Variants in RAB38 observed in about 807,000 individuals in gnomAD.
The protein encoded by RAB38 is RAB38, member RAS oncogene family.
A neutral mutation model predicts 18.4 loss-of-function variants in RAB38; 15 were observed. That is an observed-to-expected ratio of 0.82 (90% CI 0.55 to 1.26). The LOEUF (loss-of-function observed/expected upper bound fraction) is 1.26. Ranked by LOEUF, RAB38 falls within the 50% of genes most tolerant of loss-of-function variation. The pLI, the probability that RAB38 is intolerant of heterozygous loss-of-function variation, is 0.00. For missense variants in RAB38, 294 were observed against 267.4 expected (o/e 1.10, Z -0.69); for synonymous variants, 101 against 104.4 (o/e 0.97, Z 0.20).
chr11:87,824,450 CAGA>C, the RAB38 span, among the ~76,000 whole-genome samples: 2 of 151,982 alleles, frequency 1.3e-5, no homozygotes, highest in South Asian at 4.2e-4. Context: ...AAATAAAAGT[CAGA>C]AAAATGAACA....
At chr11:88,023,409 A>C in the RAB38 span, among the ~76,000 whole-genome samples, 1 of 151,940 alleles carries the variant, frequency 6.6e-6, no homozygotes, top group Non-Finnish European at 1.5e-5. Context: ...AGAATACTAA[A>C]AAAGTAAATA....
the RAB38 span, among the ~76,000 whole-genome samples, chr11:88,078,034 A>G: frequency 2.0e-5 from 3 of 152,242 alleles, no homozygotes; most frequent in South Asian, 4.1e-4. Context: ...CATTACTCAA[A>G]AGAAGACCTG....
chr11:88,140,609 G>C lies in RAB38; in HGVS notation c.483+9066C>G, dbSNP rs74514519. ...GGAGAGACTGTAACAGGTAATGTTA[G>C]AGCCAAGTCCTGAAGGAAGAGTGAG... On this transcript the variant is annotated intron_variant, in intron 2 of 2. Coordinates refer to ENST00000243662, the MANE Select transcript of RAB38 (RefSeq NM_022337.3). 5.5e-3 allele frequency among the ~76,000 whole-genome samples: 831 copies of C among 152,308 alleles called. 3 individuals are homozygous for C. Among genetic ancestry groups the C allele is most frequent in the African/African-American group, 0.019 (794 of 41,560 alleles).
chr11:87,921,660 AAGCTTCTTGAGCTT>A, the RAB38 span, among the ~76,000 whole-genome samples: 13,216 of 151,212 alleles, frequency 0.087, 1,473 homozygotes, highest in African/African-American at 0.27. Context: ...TACCAGCTGT[AAGCTTCTTGAGCTT>A]AGAGATTGGT....
At chr11:88,102,556 T>G in the RAB38 span, among the ~76,000 whole-genome samples, 10 of 152,258 alleles carry the variant, frequency 6.6e-5, no homozygotes, top group African/African-American at 2.2e-4. Flanking sequence ...TGAAGTGTAC[T>G]ATTTAGCTGA....
At chr11:88,144,081 G>T (rs547034593) in intron 2 of RAB38, among the ~76,000 whole-genome samples, 4 of 152,178 alleles carry the variant, frequency 2.6e-5, no homozygotes, top group Non-Finnish European at 5.9e-5. Flanking sequence ...GATTCAAATA[G>T]TTGTACTACA....
At chr11:87,836,162 A>G in the RAB38 span, among the ~76,000 whole-genome samples, 1 of 152,210 alleles carries the variant, frequency 6.6e-6, no homozygotes, top group African/African-American at 2.4e-5. Flanking sequence ...TAATTGTACT[A>G]GTTATGGTAA....
At chr11:87,824,597 A>T in the RAB38 span, among the ~76,000 whole-genome samples, 1 of 152,206 alleles carries the variant, frequency 6.6e-6, no homozygotes, top group South Asian at 2.1e-4. Flanking sequence ...CCAAAAAGAC[A>T]CTAAGAGATT....
At chr11:88,167,319 G>C (rs768954499) in intron 1 of RAB38, 3 of 152,122 alleles carry the variant, frequency 2.0e-5, no homozygotes, top group Non-Finnish European at 4.4e-5. Flanking sequence ...TGAGAGATAA[G>C]ACTGAATGAC....
the RAB38 span, among the ~76,000 whole-genome samples, chr11:87,949,165 G>C: frequency 1.3e-5 from 2 of 152,286 alleles, no homozygotes; most frequent in East Asian, 3.9e-4. Context: ...AGATTTTCTA[G>C]TTTATTTGCA....
chr11:88,044,162 T>C, the RAB38 span, among the ~76,000 whole-genome samples: 5 of 152,208 alleles, frequency 3.3e-5, no homozygotes, highest in Non-Finnish European at 7.3e-5. Flanking sequence ...TCCCTTGGTG[T>C]TTAATCATTG....
the RAB38 span, among the ~76,000 whole-genome samples, chr11:88,093,727 A>C: frequency 6.6e-6 from 1 of 151,848 alleles, no homozygotes; most frequent in Non-Finnish European, 1.5e-5. Context: ...TTACAGTAAA[A>C]AGCACACCCT....
chr11:87,853,051 A>G, the RAB38 span, among the ~76,000 whole-genome samples: 15 of 152,164 alleles, frequency 9.9e-5, no homozygotes, highest in Non-Finnish European at 2.1e-4. Context: ...TCTGAATCCT[A>G]TTATAAATTA....
chr11:87,938,576 G>C, the RAB38 span, among the ~76,000 whole-genome samples: 1 of 147,240 alleles, frequency 6.8e-6, no homozygotes, highest in Non-Finnish European at 1.5e-5. Context: ...GTTATTGTTT[G>C]AAAGGTTTTT....
chr11:87,967,867 C>T, the RAB38 span, among the ~76,000 whole-genome samples: 2 of 152,038 alleles, frequency 1.3e-5, no homozygotes, highest in Non-Finnish European at 2.9e-5. Context: ...ATAGGAAATG[C>T]CCTGCGGTGG....
At chr11:88,108,529 T>C (rs1039400253), downstream of RAB38, among the ~76,000 whole-genome samples, 1 of 152,228 alleles carries the variant, frequency 6.6e-6, no homozygotes, top group African/African-American at 2.4e-5. Context: ...TTTGAGCCTA[T>C]GTGTGTCTCT....
the RAB38 span, among the ~76,000 whole-genome samples, chr11:88,004,607 C>A: frequency 2.6e-5 from 4 of 151,142 alleles, no homozygotes; most frequent in African/African-American, 9.7e-5. Flanking sequence ...TTCCAGAAAA[C>A]ATGGTTGAAG....
chr11:88,165,209 A>T (rs1424680343), intron 1 of RAB38, among the ~76,000 whole-genome samples: 1 of 152,166 alleles, frequency 6.6e-6, no homozygotes, highest in African/African-American at 2.4e-5. Context: ...ATGCATCAGG[A>T]AACAGTAGAA....
At chr11:87,829,534 C>T in the RAB38 span, among the ~76,000 whole-genome samples, 2 of 152,040 alleles carry the variant, frequency 1.3e-5, no homozygotes, top group Admixed American at 6.6e-5. Context: ...GGAGAACTGC[C>T]TCATAAAACC....
Sources: allele counts gnomAD v4.1 joint callset (sites outside exome capture counted in the v4.1 genomes callset), GRCh38; gene constraint gnomAD v4.1.1; transcripts MANE v1.5; gene names NCBI Gene and HGNC (gene_info 2026-07-23, HGNC 2026-07-21).